The following KLC1 variants were observed in gnomAD, a reference collection of about 807,000 sequenced individuals.
KLC1 encodes kinesin light chain 1.
Under a neutral mutation model 84.2 loss-of-function variants are expected in KLC1, and 30 were observed. The observed-to-expected ratio is 0.36, with a 90% CI of 0.27 to 0.48. The LOEUF (loss-of-function observed/expected upper bound fraction) is 0.48. Ranked by LOEUF, KLC1 falls within the 20% of genes least tolerant of loss-of-function variation. The pLI is 0.99. For synonymous variants in KLC1, 289 were observed against 293.3 expected, an observed-to-expected ratio of 0.99 and a Z score of 0.15; for missense variants, 499 against 805.4, an observed-to-expected ratio of 0.62 and a Z score of 4.60.
intron 15 of KLC1, 197 bp from the exon 16 acceptor site, chr14:103,700,458 C>G: frequency 2.0e-6 from 1 of 496,966 alleles, no homozygotes. Context: ...ACAGCTGCTC[C>G]TGGCACCAAG....
intron 5 of KLC1, among the ~76,000 whole-genome samples, chr14:103,666,332 G>A (rs1246986336): frequency 1.3e-5 from 2 of 151,750 alleles, no homozygotes; most frequent in East Asian, 2.0e-4. Flanking sequence ...CAAAGTGCTG[G>A]GATTACAGGC....
At chr14:103,685,309 A>T (rs1351686865) in intron 13 of KLC1, 1 of 1,320,080 alleles carries the variant, frequency 7.6e-7, no homozygotes, top group East Asian at 3.3e-5. Context: ...TAATCTCCTT[A>T]TATACAGTTA....
chr14:103,692,901 C>T (rs1333821723), intron 15 of KLC1, among the ~76,000 whole-genome samples: 1 of 152,232 alleles, frequency 6.6e-6, no homozygotes, highest in Non-Finnish European at 1.5e-5. Context: ...GCACTCGGTG[C>T]AGTTGCTCGG....
chr14:103,695,226 G>A lies in KLC1; in HGVS notation c.1848+2801G>A, dbSNP rs1049862875. On this transcript the variant is annotated intron_variant, in intron 15 of 16. Transcript: ENST00000334553. ...ATCCTATAATCTTAGCACTTTGGGA[G>A]GCTGAGGCGGGAGGATCACTTGAGC... 4 of 752,220 alleles carry A rather than the reference G, an allele frequency of 5.3e-6. No individual in the cohort carries two copies. The African/African-American group carries it at 7.7e-5, about 14-fold the overall frequency. 46.6% of individuals were successfully genotyped at this position (752,220 alleles called of 1,614,324 possible).
At position 103,694,741 on chromosome 14, in the gene KLC1, G is replaced by C. The variant is rs760019261; in HGVS notation, c.1848+2316G>C. 3.0e-6 allele frequency: 3 copies of C among 985,496 alleles called. No individual in the cohort carries two copies. The highest frequency in any genetic ancestry group is 2.4e-6 in the Non-Finnish European group (2 of 829,956). 61.0% of individuals were successfully genotyped at this position (985,496 alleles called of 1,614,324 possible). A position where few individuals can be genotyped will look rare whatever the true frequency, so the allele number is the denominator to read the frequency against. On this transcript the variant is annotated intron_variant, in intron 15 of 16. Transcript: ENST00000334553. The surrounding 1 kb of genome is among the most constrained non-coding windows in gnomAD (Gnocchi z 4.5). ...CCACTGTCATGTAACAGGGTGGGTG[G>C]TGGCACAGCAGAGGCTCACACTTGT...
At chr14:103,696,488 C>A (rs1199430231) in intron 15 of KLC1, 3 of 985,074 alleles carry the variant, frequency 3.0e-6, no homozygotes, top group African/African-American at 3.5e-5. Flanking sequence ...CAATGTATAA[C>A]AGGTTTTCCA....
chr14:103,696,273 C>G, intron 15 of KLC1: 2 of 985,408 alleles, frequency 2.0e-6, no homozygotes, highest in Non-Finnish European at 2.4e-6. Flanking sequence ...GAAGCAGCAG[C>G]AGTGTGTGGC....
At position 103,692,333 on chromosome 14, in the gene KLC1, C is replaced by T. The variant is rs545206387; in HGVS notation, c.1782-26C>T. ...TTGACCGATGTGCTGATCGTTTGTC[C>T]TTGCATGTCCGTGTCCGGGTTGCAG... On this transcript the variant is annotated intron_variant, in intron 14 of 16. Coordinates refer to ENST00000334553, the MANE Select transcript of KLC1 (RefSeq NM_001394837.1). 134 of 1,535,542 alleles carry T rather than the reference C, an allele frequency of 8.7e-5. 1 individual carries two copies. In the East Asian group the frequency reaches 3.2e-3, roughly 36 times the overall value.
chr14:103,664,122 G>A (rs1483509534), intron 5 of KLC1, among the ~76,000 whole-genome samples: 1 of 152,082 alleles, frequency 6.6e-6, no homozygotes, highest in African/African-American at 2.4e-5. Context: ...CTGTTTTCCT[G>A]TTGGTGAATG....
intron 7 of KLC1, among the ~76,000 whole-genome samples, chr14:103,670,571 C>T (rs889635814): frequency 6.6e-6 from 1 of 151,538 alleles, no homozygotes; most frequent in Non-Finnish European, 1.5e-5. Context: ...TCTTGACCTC[C>T]TGATCCGCCC....
rs528762137 is a variant in KLC1, at chr14:103,698,246, C to A, written c.1849-2409C>A. 1.1e-3 allele frequency: 189 copies of A among 177,742 alleles called. 3 individuals are homozygous for A. Among genetic ancestry groups the A allele is most frequent in the Non-Finnish European group, 1.2e-4 (10 of 83,074 alleles). 11.0% of individuals were successfully genotyped at this position (177,742 alleles called of 1,614,324 possible). Reference sequence around the variant, plus strand: ...AAGTTTTGTGGGGCACAGTGTGTGCCGAGGTGGGGCCCCCGGGAGCCAAGG... The same window carrying A: ...AAGTTTTGTGGGGCACAGTGTGTGCAGAGGTGGGGCCCCCGGGAGCCAAGG... On this transcript the variant is annotated intron_variant, in intron 15 of 16. Transcript: ENST00000334553.
chr14:103,648,624 T>A (rs10047805), intron 1 of KLC1, among the ~76,000 whole-genome samples: 91,789 of 150,872 alleles, frequency 0.61, 28,872 homozygotes, highest in Non-Finnish European at 0.71. Context: ...CTACAGAAAA[T>A]AAAAAGAAAA....
chr14:103,648,683 C>T (rs1473390163), intron 1 of KLC1, among the ~76,000 whole-genome samples: 2 of 152,112 alleles, frequency 1.3e-5, no homozygotes, highest in African/African-American at 4.8e-5. Flanking sequence ...CACCTGTAGT[C>T]CCAACTACGT....
chr14:103,669,184 C>G (rs1351781797), intron 5 of KLC1, among the ~76,000 whole-genome samples: 2 of 151,608 alleles, frequency 1.3e-5, no homozygotes, highest in Non-Finnish European at 2.9e-5. Flanking sequence ...TGCCTGTAAC[C>G]CCAGCACTTT....
chr14:103,685,248 A>T (rs1366715227), intron 13 of KLC1: 1 of 1,397,136 alleles, frequency 7.2e-7, no homozygotes, highest in Non-Finnish European at 9.3e-7. Flanking sequence ...TTTTAAGAGA[A>T]TGAAAGTCAT....
In KLC1 at chr14:103,698,912, G is replaced by T. The variant is rs770496162; in HGVS notation, c.1849-1743G>T. The T allele has an allele frequency of 3.1e-6, 5 of 1,600,100 alleles. No homozygotes were observed. In the Admixed American group the frequency reaches 8.6e-5, roughly 27 times the overall value. ...GCACCCGCAGGGTCCGGGCTGGGCA[G>T]CCGAGGGCAGCCTCTTCCTCGCGGA... On this transcript the variant is annotated intron_variant, in intron 15 of 16. Transcript: ENST00000334553.
At chr14:103,700,517 G>A in intron 15 of KLC1, 138 bp from the exon 16 acceptor site, 1 of 615,250 alleles carries the variant, frequency 1.6e-6, no homozygotes, top group Non-Finnish European at 2.8e-6. Flanking sequence ...TGGCCAGATG[G>A]AGGCTGCTAA....
At chr14:103,696,783 C>T (rs939434207) in intron 15 of KLC1, 17 of 985,278 alleles carry the variant, frequency 1.7e-5, no homozygotes, top group Admixed American at 6.1e-5. Context: ...AGGGTCAGGG[C>T]GCGTGGTCCC....
intron 13 of KLC1, chr14:103,685,597 G>A (rs760926801): frequency 1.6e-5 from 20 of 1,289,122 alleles, no homozygotes; most frequent in African/African-American, 3.0e-5. Context: ...TTTCCTCGCC[G>A]CGGTTTCACG....
Sources: allele counts gnomAD v4.1 joint callset (sites outside exome capture counted in the v4.1 genomes callset), GRCh38; gene constraint gnomAD v4.1.1; non-coding constraint Gnocchi (gnomAD v3.1); transcripts MANE v1.5; gene names NCBI Gene and HGNC (gene_info 2026-07-23, HGNC 2026-07-21).